Variants in FMN1 observed in about 807,000 individuals in gnomAD.
The protein encoded by FMN1 is formin 1, also known as formin-1.
A neutral mutation model predicts 132.4 loss-of-function variants in FMN1; 110 were observed. That is an observed-to-expected ratio of 0.83 (90% CI 0.71 to 0.97). FMN1 has a LOEUF of 0.97. FMN1 is among the 50% of genes least tolerant of loss of function. FMN1 has a pLI of 0.00. For synonymous variants in FMN1, 722 were observed against 651.7 expected (o/e 1.11, Z -1.64); for missense variants, 1,792 against 1,705.3 (o/e 1.05, Z -0.90).
intron 19 of FMN1, among the ~76,000 whole-genome samples, chr15:32,784,095 T>C (rs1158305671): frequency 6.6e-6 from 1 of 152,116 alleles, no homozygotes; most frequent in African/African-American, 2.4e-5. Context: ...CACCAGCCAA[T>C]CAAGAGATAA....
intron 17 of FMN1, among the ~76,000 whole-genome samples, chr15:32,813,141 G>A (rs1293909553): frequency 6.6e-6 from 1 of 152,114 alleles, no homozygotes; most frequent in Non-Finnish European, 1.5e-5. Context: ...TAAAGAATGG[G>A]TGTAGGTTAT....
intron 16 of FMN1, 80 bp downstream of exon 16, chr15:32,888,092 C>T (rs2059937049): frequency 7.9e-7 from 1 of 1,268,592 alleles, no homozygotes; most frequent in Non-Finnish European, 1.1e-6. Context: ...ACTCTATGAA[C>T]CAGACCTAAA....
At chr15:32,891,994 T>G (rs572551418) in intron 15 of FMN1, among the ~76,000 whole-genome samples, 56 of 152,276 alleles carry the variant, frequency 3.7e-4, no homozygotes, top group African/African-American at 1.3e-3. Flanking sequence ...AATCATATCA[T>G]CAGCAAACAG....
intron 5 of FMN1, among the ~76,000 whole-genome samples, chr15:33,086,417 G>A (rs538785489): frequency 6.6e-6 from 1 of 150,666 alleles, no homozygotes; most frequent in South Asian, 2.1e-4. Flanking sequence ...AGATTATGAG[G>A]TTTTTTTTTC....
intron 4 of FMN1, among the ~76,000 whole-genome samples, chr15:33,110,091 A>G (rs990939787): frequency 2.6e-5 from 4 of 152,110 alleles, no homozygotes; most frequent in African/African-American, 9.7e-5. Flanking sequence ...AAATATTAAA[A>G]TAACTGATAA....
At chr15:33,122,635 G>C (rs576041381) in intron 4 of FMN1, among the ~76,000 whole-genome samples, 2 of 152,274 alleles carry the variant, frequency 1.3e-5, no homozygotes, top group Admixed American at 6.5e-5. Flanking sequence ...ACTAGTGACA[G>C]GTACAATGTG....
At chr15:32,896,870 T>C (rs1196669444) in intron 15 of FMN1, among the ~76,000 whole-genome samples, 3 of 152,188 alleles carry the variant, frequency 2.0e-5, no homozygotes, top group African/African-American at 7.2e-5. Context: ...TTTCAATGAA[T>C]ATGAGAGGGA....
intron 6 of FMN1, among the ~76,000 whole-genome samples, chr15:33,053,144 C>T (rs1007663625): frequency 6.6e-6 from 1 of 152,216 alleles, no homozygotes; most frequent in African/African-American, 2.4e-5. Context: ...TGCAGGTACT[C>T]TGAAAGGCTG....
intron 17 of FMN1, among the ~76,000 whole-genome samples, chr15:32,807,555 C>G (rs2057724941): frequency 6.6e-6 from 1 of 152,194 alleles, no homozygotes; most frequent in South Asian, 2.1e-4. Flanking sequence ...GCTCTGCTCT[C>G]TCAGCAGATG....
intron 16 of FMN1, among the ~76,000 whole-genome samples, chr15:32,868,258 TTG>T (rs757605025): frequency 9.9e-5 from 15 of 152,202 alleles, no homozygotes; most frequent in Non-Finnish European, 2.1e-4. Flanking sequence ...ATGCTTACCA[TTG>T]TGTTATAATT....
chr15:33,189,981 C>T (rs956286667), intron 2 of FMN1, among the ~76,000 whole-genome samples: 2 of 152,140 alleles, frequency 1.3e-5, no homozygotes, highest in African/African-American at 2.4e-5. Flanking sequence ...GATGTGCTTT[C>T]GGTCAGTGAA....
intron 6 of FMN1, among the ~76,000 whole-genome samples, chr15:33,049,491 C>G (rs1223039239): frequency 6.6e-6 from 1 of 152,118 alleles, no homozygotes; most frequent in Non-Finnish European, 1.5e-5. Context: ...GGTTTCAAGA[C>G]CAAATTAGTA....
intron 9 of FMN1, among the ~76,000 whole-genome samples, chr15:32,960,161 A>G (rs1245081474): frequency 1.3e-5 from 2 of 151,984 alleles, no homozygotes; most frequent in Non-Finnish European, 2.9e-5. Context: ...TTTTGCCCGG[A>G]TTTGTCTGGA....
At position 32,914,249 on chromosome 15, in the gene FMN1, G is replaced by A. The variant is rs113668662; in HGVS notation, c.3227-3714C>T. On this transcript the variant is annotated intron_variant, in intron 10 of 20. Transcript: ENST00000616417. ...AAAGTTCAACTATTATATTGCTTTA[G>A]GCAGACACTGAAAACACTAATCTAT... Among the ~76,000 whole-genome samples the A allele has an allele frequency of 1.2e-3, 190 of 152,226 alleles. No individual in the cohort carries two copies. The Middle Eastern group carries it at 0.014, about 11-fold the overall frequency.
intron 17 of FMN1, among the ~76,000 whole-genome samples, chr15:32,817,536 T>C (rs2058092158): frequency 6.6e-6 from 1 of 152,208 alleles, no homozygotes; most frequent in African/African-American, 2.4e-5. Flanking sequence ...ATGAAGGTCA[T>C]AATCTGTCTC....
chr15:33,169,712 TTATAA>T (rs1965239764), intron 3 of FMN1, among the ~76,000 whole-genome samples: 1 of 151,144 alleles, frequency 6.6e-6, no homozygotes, highest in African/African-American at 2.4e-5. Flanking sequence ...ATCCAGCTTT[TTATAA>T]AAAGCCTTTT....
chr15:33,128,402 T>C (rs1040814953), intron 4 of FMN1, among the ~76,000 whole-genome samples: 1 of 152,224 alleles, frequency 6.6e-6, no homozygotes, highest in Admixed American at 6.5e-5. Flanking sequence ...GCCCGCCATT[T>C]GTTCATCAAC....
chr15:33,178,002 C>CT (rs540856484), intron 3 of FMN1, among the ~76,000 whole-genome samples: 107 of 152,202 alleles, frequency 7.0e-4, no homozygotes, highest in Non-Finnish European at 1.1e-3. Context: ...GAGCGAAACT[C>CT]TGTCTCAAAA....
intron 10 of FMN1, among the ~76,000 whole-genome samples, chr15:32,918,491 T>C (rs191696286): frequency 1.3e-5 from 2 of 152,274 alleles, no homozygotes; most frequent in African/African-American, 4.8e-5. Flanking sequence ...TTATCTAATC[T>C]ATTACAAAAC....
Sources: allele counts gnomAD v4.1 joint callset (sites outside exome capture counted in the v4.1 genomes callset), GRCh38; gene constraint gnomAD v4.1.1; transcripts MANE v1.5; gene names NCBI Gene and HGNC (gene_info 2026-07-23, HGNC 2026-07-21).